BPTF: variants seen among roughly 807,000 people sequenced by gnomAD.
BPTF encodes bromodomain PHD finger transcription factor.
In BPTF, 18 loss-of-function variants were observed where a neutral mutation model predicts 292.5. The ratio of observed to expected loss-of-function variants is 0.06; its 90% CI spans 0.04 to 0.09. The LOEUF (loss-of-function observed/expected upper bound fraction) is 0.09, where lower values mean the gene tolerates loss of function less well. Among genes scored for constraint, BPTF ranks in the 10% least tolerant of loss-of-function variants. BPTF has a pLI of 1.00. For missense variants in BPTF, 2,726 were observed against 3,498.7 expected (o/e 0.78, Z 5.57); for synonymous variants, 1,225 against 1,251.9 (o/e 0.98, Z 0.45).
At chr17:67,964,918 G>A (rs1555686304) in intron 25 of BPTF, 1 of 127,578 alleles carries the variant, frequency 7.8e-6, no homozygotes, top group African/African-American at 3.0e-5. Flanking sequence ...AGAATGGCAT[G>A]AACCCGGGAG....
At chr17:67,950,022 C>T (rs1178832951) in intron 23 of BPTF, among the ~76,000 whole-genome samples, 1 of 136,242 alleles carries the variant, frequency 7.3e-6, no homozygotes, top group Non-Finnish European at 1.5e-5. Flanking sequence ...CCACTGCACT[C>T]CAACCTGGGC....
intron 1 of BPTF, among the ~76,000 whole-genome samples, chr17:67,850,808 T>C (rs1436319499): frequency 6.6e-6 from 1 of 152,228 alleles, no homozygotes; most frequent in African/African-American, 2.4e-5. Flanking sequence ...GTTTTCAGCT[T>C]GGTTGATTGT....
chr17:67,930,940 G>C (rs2064328899), intron 17 of BPTF, among the ~76,000 whole-genome samples: 2 of 151,536 alleles, frequency 1.3e-5, no homozygotes, highest in African/African-American at 4.9e-5. Context: ...AAGTGACAGA[G>C]TGAGACTCTG....
intron 4 of BPTF, among the ~76,000 whole-genome samples, chr17:67,879,432 G>A (rs1465530839): frequency 2.0e-5 from 3 of 152,236 alleles, no homozygotes; most frequent in East Asian, 3.9e-4. Context: ...GAGCCACCGC[G>A]CCCGGCTAGG....
rs575247693 is a variant in BPTF, at chr17:67,911,382, G to A, written c.3498G>A (p.Val1166=). The change falls in exon 11 of 28, where the codon GTG becomes GTA. Residue 1166 remains valine, a synonymous_variant. Coordinates refer to ENST00000306378, the MANE Select transcript of BPTF (RefSeq NM_182641.4). Reference sequence around the variant, plus strand: ...ACAAACTTTATCCAAAAGATCGAGTGTTAGATGATGTCTCCATTCGGAGCC... The same window carrying A: ...ACAAACTTTATCCAAAAGATCGAGTATTAGATGATGTCTCCATTCGGAGCC... ...TTNKLYPKDR[V]LDDVSIRSPE... 1.2e-5 allele frequency: 19 copies of A among 1,614,112 alleles called. No homozygotes were observed. In the East Asian group the frequency reaches 4.0e-4, roughly 34 times the overall value.
intron 1 of BPTF, among the ~76,000 whole-genome samples, chr17:67,829,678 A>G (rs932211020): frequency 6.6e-6 from 1 of 152,250 alleles, no homozygotes; most frequent in African/African-American, 2.4e-5. Context: ...ATATCCGAAT[A>G]ACACATAAAG....
chr17:67,961,728 C>A (rs560117078), intron 24 of BPTF, among the ~76,000 whole-genome samples: 1 of 152,122 alleles, frequency 6.6e-6, no homozygotes, highest in Non-Finnish European at 1.5e-5. Context: ...AATCCCAACA[C>A]TTTGGGAGGC....
Position 67,945,691 on chromosome 17 carries a change from A to G in BPTF, c.6983A>G (p.Gln2328Arg). Residue 2328 changes from glutamine (Q) to arginine (R), a missense_variant, in exon 21 of 28, where the codon CAG becomes CGG. Physicochemically the swap from Gln to Arg is conservative, Grantham distance 43 (BLOSUM62 1). Coordinates refer to ENST00000306378, the MANE Select transcript of BPTF (RefSeq NM_182641.4). Reference sequence around the variant, plus strand: ...TCATCCAAGCCCCAAGTTGCAGCACAGTCTCAGCCTCAAAGTAATGTCCAA... The same window carrying G: ...TCATCCAAGCCCCAAGTTGCAGCACGGTCTCAGCCTCAAAGTAATGTCCAA... ...AQSSKPQVAA[Q>R]SQPQSNVQGQ... 1 of 1,614,192 alleles carries G rather than the reference A, an allele frequency of 6.2e-7. No individual in the cohort carries two copies. The highest frequency in any genetic ancestry group is 1.1e-5 in the South Asian group (1 of 91,082).
At position 67,825,857 on chromosome 17, in the gene BPTF, G is replaced by C. The variant is rs1329386930; in HGVS notation, c.133G>C (p.Gly45Arg). ...CGGGGGGCTCCGCTCGCGGCACCGCGGCAGCAGCCGGGGCAGGTGGGCCGC... is the reference window on the plus strand; with the variant it reads ...CGGGGGGCTCCGCTCGCGGCACCGCCGCAGCAGCCGGGGCAGGTGGGCCGC... ...PIGGLRSRHRGSSRGRWAAAQ... is the reference protein window; with the variant it reads ...PIGGLRSRHRRSSRGRWAAAQ... The change falls in exon 1 of 28, where the codon GGC (glycine) becomes CGC (arginine). Residue 45 changes from glycine to arginine, a missense_variant. Gly to Arg is a moderately radical substitution (Grantham distance 125). This residue lies in a region of BPTF where 103 missense variants were observed against 72.1 expected (regional missense o/e 1.43). Coordinates refer to ENST00000306378, the MANE Select transcript of BPTF (RefSeq NM_182641.4). The C allele has an allele frequency of 2.0e-6, 2 of 1,013,732 alleles. No individual in the cohort carries two copies. Among genetic ancestry groups the C allele is most frequent in the African/African-American group, 1.7e-5 (1 of 57,356 alleles). The allele number at this position is 1,013,732 out of a possible 1,614,324, so 62.8% of individuals were successfully genotyped here.
chr17:67,894,113 G>C lies in BPTF; in HGVS notation c.2491G>C (p.Val831Leu). ...ALALAILECA[V>L]KPVVMLPIWR... ...GGCTTTAGCCATTTTGGAGTGTGCAGTTAAACCAGTTGTGATGCTACCAAT... is the reference window on the plus strand; with the variant it reads ...GGCTTTAGCCATTTTGGAGTGTGCACTTAAACCAGTTGTGATGCTACCAAT... The change falls in exon 7 of 28, where the codon GTT becomes CTT. Residue 831 changes from valine to leucine, a missense_variant. This residue lies in a region of BPTF where 99 missense variants were observed against 227.1 expected (regional missense o/e 0.44). Coordinates refer to ENST00000306378, the MANE Select transcript of BPTF (RefSeq NM_182641.4). 1 of 1,614,138 alleles carries C rather than the reference G, an allele frequency of 6.2e-7. No homozygotes were observed.
At chr17:67,889,256 T>C (rs1598443881) in intron 4 of BPTF, among the ~76,000 whole-genome samples, 1 of 152,188 alleles carries the variant, frequency 6.6e-6, no homozygotes, top group Non-Finnish European at 1.5e-5. Context: ...CTCCATTCCT[T>C]TAAGTCTTAC....
rs572764590 is a variant in BPTF, at chr17:67,909,340, T to C, written c.2813-242T>C. ...TTCCTAAATCATATTTCACCAAAAA[T>C]GTTCACAAAGTTTTCTGAAATGTCT... is the stretch of plus-strand genomic sequence containing the variant. On this transcript the variant is annotated intron_variant, in intron 9 of 27. Coordinates refer to ENST00000306378, the MANE Select transcript of BPTF (RefSeq NM_182641.4). Among the ~76,000 whole-genome samples, 22 of 140,554 alleles carry C rather than the reference T, an allele frequency of 1.6e-4. No homozygotes were observed. The South Asian group carries it at 5.2e-3, about 33-fold the overall frequency. 92.2% of individuals were successfully genotyped at this position (140,554 alleles called of 152,430 possible).
At chr17:67,939,615 T>A (rs770259337) in intron 18 of BPTF, among the ~76,000 whole-genome samples, 1 of 152,224 alleles carries the variant, frequency 6.6e-6, no homozygotes, top group Non-Finnish European at 1.5e-5. Flanking sequence ...AGGTTGCTCA[T>A]GCCTGTAATC....
At chr17:67,865,020 A>G (rs1186945158) in intron 2 of BPTF, among the ~76,000 whole-genome samples, 1 of 151,874 alleles carries the variant, frequency 6.6e-6, no homozygotes, top group Non-Finnish European at 1.5e-5. Flanking sequence ...GTTAACCGGG[A>G]TGGTCTCGAT....
intron 1 of BPTF, among the ~76,000 whole-genome samples, chr17:67,831,861 A>G (rs1017262763): frequency 6.6e-6 from 1 of 152,056 alleles, no homozygotes; most frequent in Non-Finnish European, 1.5e-5. Flanking sequence ...TGATCTCAGC[A>G]CTAGCTTAAT....
intron 7 of BPTF, among the ~76,000 whole-genome samples, chr17:67,902,544 C>G (rs2061916142): frequency 1.3e-5 from 2 of 152,174 alleles, no homozygotes; most frequent in Admixed American, 1.3e-4. Context: ...TTCCCCTCCT[C>G]CCATCAGCTT....
intron 4 of BPTF, among the ~76,000 whole-genome samples, chr17:67,885,535 A>C (rs1447065429): frequency 6.6e-6 from 1 of 152,206 alleles, no homozygotes; most frequent in Non-Finnish European, 1.5e-5. Flanking sequence ...GGCTACAGTC[A>C]GCCGAGATTG....
chr17:67,962,897 C>T (rs1392662080), intron 24 of BPTF, among the ~76,000 whole-genome samples: 2 of 152,162 alleles, frequency 1.3e-5, no homozygotes, highest in African/African-American at 2.4e-5. Context: ...TTGTGAGATA[C>T]ATTTTCAAAC....
In BPTF at chr17:67,975,966, G is replaced by A; in HGVS notation, c.8726+8G>A. The A allele has an allele frequency of 6.2e-7, 1 of 1,604,642 alleles. No individual in the cohort carries two copies. On this transcript the variant is annotated splice_region_variant and intron_variant, in intron 27 of 27. Transcript: ENST00000306378. ...AGGCTTCAAAGCTAGCAGGTGAGCAGATGGGTTCGGTATTCTGAATTAATT... is the reference window on the plus strand; with the variant it reads ...AGGCTTCAAAGCTAGCAGGTGAGCAAATGGGTTCGGTATTCTGAATTAATT...
Sources: gnomAD v4.1 joint callset for allele counts (sites outside exome capture counted in the v4.1 genomes callset) on GRCh38, gnomAD v4.1.1 for gene constraint, gnomAD v4.1.1 regional missense constraint, MANE v1.5 for transcripts, NCBI Gene and HGNC (gene_info 2026-07-23, HGNC 2026-07-21) for gene names.